HPR: variants seen among roughly 807,000 people sequenced by gnomAD.
HPR encodes the protein haptoglobin-related protein.
Under a neutral mutation model 18.5 loss-of-function variants are expected in HPR, and 17 were observed. The observed-to-expected ratio is 0.92, with a 90% CI of 0.63 to 1.38. HPR has a LOEUF of 1.38. HPR is among the 40% of genes most tolerant of loss of function. The probability of loss-of-function intolerance (pLI) is 0.00; values close to 1 mark genes in which losing one functional copy is unlikely to be tolerated. For synonymous variants in HPR, 176 were observed against 165.0 expected, an observed-to-expected ratio of 1.07 and a Z score of -0.51; for missense variants, 457 against 432.4, an observed-to-expected ratio of 1.06 and a Z score of -0.51.
intron 1 of HPR, among the ~76,000 whole-genome samples, chr16:72,071,075 C>T (rs1228551728): frequency 6.6e-6 from 1 of 152,012 alleles, no homozygotes; most frequent in African/African-American, 2.4e-5. Context: ...AAACAAAATC[C>T]CATAAAAATC....
chr16:72,072,574 A>G (rs886869099), intron 1 of HPR, among the ~76,000 whole-genome samples: 4 of 152,122 alleles, frequency 2.6e-5, no homozygotes, highest in African/African-American at 9.7e-5. Context: ...CCCCTTCACA[A>G]ATTTAATGGG....
intron 1 of HPR, among the ~76,000 whole-genome samples, chr16:72,070,934 T>C (rs1198598622): frequency 2.0e-5 from 3 of 152,108 alleles, no homozygotes; most frequent in African/African-American, 7.2e-5. Flanking sequence ...CTCCAACTAA[T>C]TCATGGTCCC....
intron 1 of HPR, among the ~76,000 whole-genome samples, chr16:72,065,701 A>G (rs2041590569): frequency 6.6e-6 from 1 of 152,168 alleles, no homozygotes; most frequent in South Asian, 2.1e-4. Flanking sequence ...TGTTAATGAT[A>G]AAAGTCTGGT....
At chr16:72,073,783 T>TGTGTGTGTGC (rs780585149) in intron 1 of HPR, 109 bp from the exon 2 acceptor site, 2 of 1,597,478 alleles carry the variant, frequency 1.3e-6, no homozygotes, top group Non-Finnish European at 1.7e-6. Context: ...TGTATGCATG[T>TGTGTGTGTGC]GTGTGTGTGC....
intron 1 of HPR, among the ~76,000 whole-genome samples, chr16:72,073,141 C>T (rs1178171869): frequency 3.3e-5 from 5 of 152,144 alleles, no homozygotes; most frequent in South Asian, 4.1e-4. Context: ...GTTAGCCAAC[C>T]GGGTTCAGCT....
intron 2 of HPR, 88 bp downstream of exon 2, chr16:72,074,065 A>C (rs1177563796): frequency 6.5e-7 from 1 of 1,544,682 alleles, no homozygotes; most frequent in African/African-American, 1.4e-5. Flanking sequence ...TTTCTTTGAG[A>C]ACACACAGTT....
intron 1 of HPR, among the ~76,000 whole-genome samples, chr16:72,068,061 C>T (rs1267276009): frequency 6.6e-6 from 1 of 152,118 alleles, no homozygotes; most frequent in Non-Finnish European, 1.5e-5. Context: ...CATGGATTCA[C>T]CCAACCTTTT....
chr16:72,076,817 C>T lies in HPR; in HGVS notation c.783C>T (p.Pro261=), dbSNP rs1316069517. The change falls in exon 5 of 5, where the codon CCC becomes CCT. Residue 261 remains proline (P), a synonymous_variant. Coordinates refer to ENST00000540303, the MANE Select transcript of HPR (RefSeq NM_020995.4). ...CGCATTATGAAGGCAGCACATGCCC[C>T]AAATGGAAGGCACCGAAGAGCCCTG... The part of the protein sequence containing the change: ...CITHYEGSTC[P]KWKAPKSPVG... 2 of 1,614,096 alleles carry T rather than the reference C, an allele frequency of 1.2e-6. No homozygotes were observed. The highest frequency in any genetic ancestry group is 2.7e-5 in the African/African-American group (2 of 74,946).
chr16:72,071,387 T>C (rs890993695), intron 1 of HPR, among the ~76,000 whole-genome samples: 6 of 152,212 alleles, frequency 3.9e-5, no homozygotes, highest in African/African-American at 1.2e-4. Context: ...TTGTCCCCTT[T>C]CCACTCAGAT....
At chr16:72,063,804 G>A (rs1255866249) in intron 1 of HPR, among the ~76,000 whole-genome samples, 7 of 151,826 alleles carry the variant, frequency 4.6e-5, no homozygotes, top group South Asian at 4.1e-4. Context: ...AGTGAGTGGC[G>A]CGATCTCAGC....
rs371318361 is a variant in HPR at position 72,075,375 on chromosome 16, G to C, written c.268+156G>C. 2.2e-4 allele frequency among the ~76,000 whole-genome samples: 33 copies of C among 152,278 alleles called. 2 individuals are homozygous for C. Among genetic ancestry groups the C allele is most frequent in the Admixed American group, 1.0e-3 (16 of 15,292 alleles). Reference sequence around the variant, plus strand: ...AGCTGGCCAGGGAGAGACTTAAGCAGTTAGGTGATGACTCCCTAAGGATCA... The same window carrying C: ...AGCTGGCCAGGGAGAGACTTAAGCACTTAGGTGATGACTCCCTAAGGATCA... On this transcript the variant is annotated intron_variant, in intron 4 of 4. Transcript: ENST00000540303.
intron 3 of HPR, chr16:72,074,739 A>G: frequency 4.3e-6 from 3 of 702,004 alleles, no homozygotes; most frequent in East Asian, 2.7e-5. Flanking sequence ...TAAGGGCTTT[A>G]TATTTATTTG....
intron 1 of HPR, 135 bp from the exon 2 acceptor site, chr16:72,073,757 G>A: frequency 6.3e-7 from 1 of 1,582,260 alleles, no homozygotes; most frequent in Non-Finnish European, 8.6e-7. Context: ...TGGCTGCTTA[G>A]TGGGAGGAGT....
rs1475396304 is a variant in HPR at position 72,074,345 on chromosome 16, C to T, written c.153C>T (p.Tyr51=). 2 of 1,614,030 alleles carry T rather than the reference C, an allele frequency of 1.2e-6. No homozygotes were observed. The highest frequency in any genetic ancestry group is 3.3e-5 in the Admixed American group (2 of 60,016). The change falls in exon 3 of 5, where the codon TAC becomes TAT. Residue 51 remains tyrosine (Y), a synonymous_variant. Transcript: ENST00000540303. ...ANGYVEHLFR[Y]QCKNYYRLRT... ...GCTATGTGGAGCACTTGTTTCGCTA[C>T]CAGTGTAAGAACTACTACAGACTGC...
At chr16:72,074,595 G>A (rs2041697552) in intron 3 of HPR, 2 of 719,350 alleles carry the variant, frequency 2.8e-6, no homozygotes, top group South Asian at 1.5e-5. Context: ...TTTGTTAAGG[G>A]GAGGTGATGC....
intron 1 of HPR, among the ~76,000 whole-genome samples, chr16:72,066,543 C>G (rs547683305): frequency 9.2e-5 from 14 of 152,168 alleles, no homozygotes; most frequent in African/African-American, 3.1e-4. Flanking sequence ...TCAGTGAATC[C>G]ATACCCAGAA....
chr16:72,073,855 G>A, intron 1 of HPR, 37 bp from the exon 2 acceptor site: 1 of 1,613,350 alleles, frequency 6.2e-7, no homozygotes, highest in Non-Finnish European at 8.5e-7. Context: ...GAAGCAGGGA[G>A]ACCAGCTTTC....
chr16:72,075,552 A>G (rs760640992), intron 4 of HPR, among the ~76,000 whole-genome samples: 37 of 152,332 alleles, frequency 2.4e-4, no homozygotes, highest in African/African-American at 4.6e-4. Context: ...GTCAAGGGAT[A>G]ACATAAAATC....
Position 72,076,346 on chromosome 16 carries a change from C to G in HPR, c.312C>G (p.Ile104Met), listed in dbSNP as rs1317023718. 5 of 1,613,814 alleles carry G rather than the reference C, an allele frequency of 3.1e-6. No homozygotes were observed. The East Asian group carries it at 8.9e-5, about 29-fold the overall frequency. Residue 104 changes from isoleucine (I) to methionine (M), a missense_variant, in exon 5 of 5, where the codon ATC becomes ATG. Coordinates refer to ENST00000540303, the MANE Select transcript of HPR (RefSeq NM_020995.4). ...ATCCGGCAAACCCAGTGCAGCGGAT[C>G]CTGGGTGGACACCTGGATGCCAAAG... is the stretch of plus-strand genomic sequence containing the variant. The part of the protein sequence containing the change: ...PKNPANPVQR[I>M]LGGHLDAKGS...
Sources: gnomAD v4.1 joint callset for allele counts (sites outside exome capture counted in the v4.1 genomes callset) on GRCh38, gnomAD v4.1.1 for gene constraint, MANE v1.5 for transcripts, NCBI Gene and HGNC (gene_info 2026-07-23, HGNC 2026-07-21) for gene names.